NECTIN2: variants seen among roughly 807,000 people sequenced by gnomAD.
NECTIN2 encodes nectin-2.
A neutral mutation model predicts 56.9 loss-of-function variants in NECTIN2; 23 were observed. The observed-to-expected ratio is 0.40, with a 90% CI of 0.29 to 0.57. NECTIN2 has a LOEUF of 0.57. NECTIN2 is among the 20% of genes least tolerant of loss of function. The pLI is 0.38. For synonymous variants in NECTIN2, 302 were observed against 313.8 expected, an observed-to-expected ratio of 0.96 and a Z score of 0.40; for missense variants, 587 against 718.3, an observed-to-expected ratio of 0.82 and a Z score of 2.09.
chr19:44,878,135 T>A, intron 5 of NECTIN2: 2 of 570,046 alleles, frequency 3.5e-6, no homozygotes, highest in East Asian at 5.9e-5. Flanking sequence ...ATCCTGCATC[T>A]CCCCCACCCC....
Position 44,888,544 on chromosome 19 carries a change from G to T in NECTIN2, c.*165G>T, listed in dbSNP as rs1416176215. ...CTCCACTATGACCCCTAACCCATGA[G>T]CCCAGAGAAATTCACCGTGATAATG... On this transcript the variant is annotated 3_prime_UTR_variant, in exon 9 of 9. Coordinates refer to ENST00000252483, the MANE Select transcript of NECTIN2 (RefSeq NM_001042724.2). 3 of 727,072 alleles carry T rather than the reference G, an allele frequency of 4.1e-6. No individual in the cohort carries two copies. Among genetic ancestry groups the T allele is most frequent in the Non-Finnish European group, 6.6e-6 (3 of 451,192 alleles). The allele number at this position is 727,072 out of a possible 1,614,324, so 45.0% of individuals were successfully genotyped here.
intron 1 of NECTIN2, among the ~76,000 whole-genome samples, chr19:44,852,471 T>TC (rs1169977044): frequency 7.0e-6 from 1 of 142,878 alleles, no homozygotes; most frequent in Non-Finnish European, 1.5e-5. Context: ...CCACCTGTAA[T>TC]CCCAGCTACT....
rs185423052 is a variant in NECTIN2 at position 44,863,098 on chromosome 19, G to T, written c.89-2173G>T. Reference sequence around the variant, plus strand: ...AATTGCTTGAAATTGGGAGGTGGAGGTTGCAGTGAGCCGAGATCACACCAC... The same window carrying T: ...AATTGCTTGAAATTGGGAGGTGGAGTTTGCAGTGAGCCGAGATCACACCAC... On this transcript the variant is annotated intron_variant, in intron 1 of 8. Transcript: ENST00000252483. Among the ~76,000 whole-genome samples, 21 of 151,718 alleles carry T rather than the reference G, an allele frequency of 1.4e-4. No homozygotes were observed. The South Asian group carries it at 1.7e-3, about 12-fold the overall frequency.
At chr19:44,878,811 T>C in intron 5 of NECTIN2, 1 of 1,383,004 alleles carries the variant, frequency 7.2e-7, no homozygotes, top group Non-Finnish European at 9.3e-7. Context: ...TAGGGCTGCA[T>C]GGGGAGCCCG....
At chr19:44,880,774 A>ATTTTT (rs750316064) in intron 5 of NECTIN2, among the ~76,000 whole-genome samples, 1 of 122,110 alleles carries the variant, frequency 8.2e-6, no homozygotes, top group African/African-American at 3.1e-5. Flanking sequence ...CCCCTGGCTA[A>ATTTTT]TTTTTTTTTT....
Position 44,874,553 on chromosome 19 carries a change from C to A in NECTIN2, c.1042+75C>A. 6.4e-7 allele frequency: 1 copy of A among 1,574,742 alleles called. No homozygotes were observed. On this transcript the variant is annotated intron_variant, in intron 5 of 8. Transcript: ENST00000252483. The surrounding 1 kb of genome is among the most constrained non-coding windows in gnomAD (Gnocchi z 6.3). The stretch of plus-strand genomic sequence containing the variant: ...GAGTTCTGCCCTTCAGGACTTGGGG[C>A]TGCACTGGGGGAGGCTGCGCCGCCG...
chr19:44,858,805 G>T (rs1192532824), intron 1 of NECTIN2, among the ~76,000 whole-genome samples: 3 of 151,648 alleles, frequency 2.0e-5, no homozygotes, highest in Non-Finnish European at 4.4e-5. Flanking sequence ...ACCACACCCA[G>T]ATAATTTTTC....
Position 44,857,711 on chromosome 19 carries a change from G to GT in NECTIN2, c.89-7547dup, listed in dbSNP as rs1228699075. The stretch of plus-strand genomic sequence containing the variant: ...GCCATCGTGCCGGGTTTTTGTTTTT[G>GT]TTTTTTTTTTTTTAAGAGATGAAGT... On this transcript the variant is annotated intron_variant, in intron 1 of 8. Coordinates refer to ENST00000252483, the MANE Select transcript of NECTIN2 (RefSeq NM_001042724.2). 3.6e-3 allele frequency among the ~76,000 whole-genome samples: 516 copies of GT among 144,192 alleles called. 8 individuals are homozygous for GT. The highest frequency in any genetic ancestry group is 0.011 in the African/African-American group (439 of 39,368). 94.6% of individuals were successfully genotyped at this position (144,192 alleles called of 152,430 possible). A position where few individuals can be genotyped will look rare whatever the true frequency, so the allele number is the denominator to read the frequency against.
intron 1 of NECTIN2, among the ~76,000 whole-genome samples, chr19:44,848,481 G>T (rs896618522): frequency 2.0e-5 from 3 of 152,010 alleles, no homozygotes; most frequent in African/African-American, 7.3e-5. Flanking sequence ...TTCCTCCCTC[G>T]TAAAAAAACT....
At chr19:44,849,266 G>A (rs781607116) in intron 1 of NECTIN2, among the ~76,000 whole-genome samples, 5 of 152,078 alleles carry the variant, frequency 3.3e-5, no homozygotes, top group African/African-American at 9.7e-5. Context: ...GGAATGGGAC[G>A]GAGGAGGGTG....
chr19:44,862,921 G>A (rs415637), intron 1 of NECTIN2, among the ~76,000 whole-genome samples: 50,092 of 150,176 alleles, frequency 0.33, 9,170 homozygotes, highest in Non-Finnish European at 0.39. Context: ...AGCCCGAGGC[G>A]GCAGATCACG....
At chr19:44,857,646 C>T (rs919798911) in intron 1 of NECTIN2, among the ~76,000 whole-genome samples, 2 of 151,996 alleles carry the variant, frequency 1.3e-5, no homozygotes, top group African/African-American at 4.8e-5. Context: ...AGGTGATCCA[C>T]CTGCTTTGGC....
intron 2 of NECTIN2, among the ~76,000 whole-genome samples, chr19:44,867,725 G>T (rs1969117950): frequency 6.6e-6 from 1 of 152,198 alleles, no homozygotes; most frequent in African/African-American, 2.4e-5. Flanking sequence ...ATAGGCAAGG[G>T]CTTGGGTGAC....
intron 1 of NECTIN2, among the ~76,000 whole-genome samples, chr19:44,860,996 G>A (rs1326920903): frequency 4.0e-5 from 6 of 150,584 alleles, no homozygotes; most frequent in African/African-American, 9.7e-5. Flanking sequence ...CAAAGGACCC[G>A]AAGAGACATT....
At chr19:44,857,791 C>G (rs1233216387) in intron 1 of NECTIN2, among the ~76,000 whole-genome samples, 1 of 151,588 alleles carries the variant, frequency 6.6e-6, no homozygotes, top group Non-Finnish European at 1.5e-5. Flanking sequence ...GATCCTCCAC[C>G]CACTTCGGCC....
Position 44,885,967 on chromosome 19 carries a change from G to C in NECTIN2, c.1227G>C (p.Pro409=), listed in dbSNP as rs283814. Residue 409 remains proline (P), a synonymous_variant, in exon 7 of 9, where the codon CCG becomes CCC. Transcript: ENST00000252483. ...AGGGACCTCCCTCCTACAAGCCACC[G>C]ACCCCAAAAGCGAAGCTGGAGGCAC... ...DLEGPPSYKP[P]TPKAKLEAQE... The C allele has an allele frequency of 3.7e-6, 6 of 1,602,548 alleles. No individual in the cohort carries two copies. The highest frequency in any genetic ancestry group is 3.3e-5 in the South Asian group (3 of 90,836).
rs1345712072 is a variant in NECTIN2, at chr19:44,874,411, C to T, written c.975C>T (p.Thr325=). The change falls in exon 5 of 9, where the codon ACC becomes ACT. Residue 325 remains threonine, a synonymous_variant. Coordinates refer to ENST00000252483, the MANE Select transcript of NECTIN2 (RefSeq NM_001042724.2). The surrounding 1 kb of genome is among the most constrained non-coding windows in gnomAD (Gnocchi z 6.3). ...ACGCAGTGGACAGTCTGTTCAATAC[C>T]ACCTTCGTCTGCACAGTCACCAATG... The part of the protein sequence containing the change: ...VIHAVDSLFN[T]TFVCTVTNAV... The T allele has an allele frequency of 6.2e-7, 1 of 1,614,070 alleles. No homozygotes were observed. Among genetic ancestry groups the T allele is most frequent in the African/African-American group, 1.3e-5 (1 of 74,924 alleles).
In NECTIN2 at chr19:44,882,254, C is replaced by T. The variant is rs748420214; in HGVS notation, c.1086C>T (p.Ile362=). ...TAGAGATGGI[I]GGIIAAIIAT... ...GCGCAGGGGCCACAGGCGGCATCAT[C>T]GGGGGCATCATCGCCGCCATCATTG... Residue 362 remains isoleucine, a synonymous_variant, in exon 6 of 9, where the codon ATC becomes ATT. Transcript: ENST00000252483. 35 of 1,551,866 alleles carry T rather than the reference C, an allele frequency of 2.3e-5. No individual in the cohort carries two copies. In the Middle Eastern group the frequency reaches 8.1e-4, roughly 36 times the overall value.
chr19:44,857,407 A>ATT (rs551528530), intron 1 of NECTIN2, among the ~76,000 whole-genome samples: 10 of 143,230 alleles, frequency 7.0e-5, no homozygotes, highest in African/African-American at 2.6e-4. Context: ...TTGCCCAGCT[A>ATT]TTTTTTTTTT....
Sources: allele counts gnomAD v4.1 joint callset (sites outside exome capture counted in the v4.1 genomes callset), GRCh38; gene constraint gnomAD v4.1.1; non-coding constraint Gnocchi (gnomAD v3.1); transcripts MANE v1.5; gene names NCBI Gene and HGNC (gene_info 2026-07-23, HGNC 2026-07-21).